MAP4K5: variants seen among roughly 807,000 people sequenced by gnomAD.
MAP4K5 encodes the protein mitogen-activated protein kinase kinase kinase kinase 5.
In MAP4K5, 82 loss-of-function variants were observed where a neutral mutation model predicts 135.6. The observed-to-expected ratio is 0.60, with a 90% CI of 0.51 to 0.73. MAP4K5 has a LOEUF of 0.73. Among genes scored for constraint, MAP4K5 ranks in the 30% least tolerant of loss-of-function variants. MAP4K5 has a pLI of 0.00. For missense variants in MAP4K5, 907 were observed against 1,010.9 expected, an observed-to-expected ratio of 0.90 and a Z score of 1.39; for synonymous variants, 347 against 335.0, an observed-to-expected ratio of 1.04 and a Z score of -0.39.
At position 50,445,098 on chromosome 14, in the gene MAP4K5, T is replaced by C; in HGVS notation, c.1282A>G (p.Ile428Val). ...CPDSESRAPQILRRQSSPSCG... is the reference protein window; with the variant it reads ...CPDSESRAPQVLRRQSSPSCG... ...CTTGGGCTACTCTGTCTTCTGAGAA[T>C]TTGGGGAGCTCTGCTTTCTGAATCA... The change falls in exon 18 of 33, where the codon ATT becomes GTT. Residue 428 changes from isoleucine to valine, a missense_variant. By Grantham distance (29) the Ile-to-Val change is conservative (BLOSUM62 3). This residue lies in a region of MAP4K5 where 690 missense variants were observed against 777.4 expected (regional missense o/e 0.89). Transcript: ENST00000682126. 1 of 1,613,694 alleles carries C rather than the reference T, an allele frequency of 6.2e-7. No individual in the cohort carries two copies. The highest frequency in any genetic ancestry group is 8.5e-7 in the Non-Finnish European group (1 of 1,179,710).
intron 17 of MAP4K5, 141 bp from the exon 18 acceptor site, chr14:50,445,335 C>T: frequency 1.7e-6 from 1 of 585,220 alleles, no homozygotes; most frequent in South Asian, 3.8e-5. Flanking sequence ...AGGTGAGTTA[C>T]TGCCCAACAC....
At chr14:50,532,380 G>A (rs1274213634) in intron 1 of MAP4K5, 68 bp downstream of exon 1, 1 of 273,186 alleles carries the variant, frequency 3.7e-6, no homozygotes. Context: ...GCCAGCCGGG[G>A]CCCAGGGCCG....
At chr14:50,454,142 A>G (rs1447883128) in intron 14 of MAP4K5, among the ~76,000 whole-genome samples, 1 of 152,208 alleles carries the variant, frequency 6.6e-6, no homozygotes, top group African/African-American at 2.4e-5. Context: ...CATAAAGTTG[A>G]GTAAAAGAAG....
At chr14:50,476,449 G>T in intron 6 of MAP4K5, 143 bp from the exon 7 acceptor site, 1 of 470,360 alleles carries the variant, frequency 2.1e-6, no homozygotes, top group South Asian at 4.6e-5. Context: ...GTAAATCAAT[G>T]TTTACTATAT....
At chr14:50,480,511 A>G (rs1238873120) in intron 6 of MAP4K5, among the ~76,000 whole-genome samples, 1 of 151,298 alleles carries the variant, frequency 6.6e-6, no homozygotes, top group African/African-American at 2.4e-5. Flanking sequence ...TCTGTGAGTT[A>G]ATTGTTTTGA....
At chr14:50,468,829 C>G (rs778332766) in intron 9 of MAP4K5, 47 bp from the exon 10 acceptor site, 23 of 1,541,756 alleles carry the variant, frequency 1.5e-5, no homozygotes, top group Admixed American at 1.9e-5. Flanking sequence ...AAATATTGAT[C>G]TGAATCTGTT....
intron 1 of MAP4K5, among the ~76,000 whole-genome samples, chr14:50,547,593 A>G (rs915923847): frequency 4.6e-5 from 7 of 152,228 alleles, no homozygotes; most frequent in Non-Finnish European, 1.0e-4. Context: ...CAGAAGTTAC[A>G]TAAGGTACAG....
At position 50,476,287 on chromosome 14, in the gene MAP4K5, G is replaced by T; in HGVS notation, c.398C>A (p.Thr133Asn). ...ETLQGLAYLH[T>N]KGKMHRDIKG... ...GATATCTCTATGCATTTTGCCTTTAGTATGCAAATAGGCAAGACCCTAAAA... is the reference window on the plus strand; with the variant it reads ...GATATCTCTATGCATTTTGCCTTTATTATGCAAATAGGCAAGACCCTAAAA... The change falls in exon 7 of 33, where the codon ACT (threonine) becomes AAT (asparagine). Residue 133 changes from threonine (T) to asparagine (N), a missense_variant. Thr to Asn is a moderately conservative substitution (Grantham distance 65, BLOSUM62 0). Transcript: ENST00000682126. 7 of 1,433,146 alleles carry T rather than the reference G, an allele frequency of 4.9e-6. No individual in the cohort carries two copies. The highest frequency in any genetic ancestry group is 2.7e-5 in the East Asian group (1 of 37,716). 88.8% of individuals were successfully genotyped at this position (1,433,146 alleles called of 1,614,324 possible).
intron 1 of MAP4K5, among the ~76,000 whole-genome samples, chr14:50,552,626 A>G (rs542920629): frequency 1.2e-4 from 18 of 152,364 alleles, no homozygotes; most frequent in Admixed American, 4.6e-4. Flanking sequence ...CTGTGAGGCT[A>G]TAGTTACCAA....
chr14:50,443,766 G>A lies in MAP4K5; in HGVS notation c.1442C>T (p.Pro481Leu). Reference sequence around the variant, plus strand: ...GGTGGGTGGAAGGCCATTGATGGCTGGTTTCTATGGGAAAAATAAAATTTA... The same window carrying A: ...GGTGGGTGGAAGGCCATTGATGGCTAGTTTCTATGGGAAAAATAAAATTTA... ...RKKDKRDFPK[P>L]AINGLPPTPK... The change falls in exon 20 of 33, where the codon CCA (proline) becomes CTA (leucine). Residue 481 changes from proline (P) to leucine (L), a missense_variant. Physicochemically the swap from Pro to Leu is moderately conservative, Grantham distance 98. Around this residue, in one of 3 missense-constraint regions of MAP4K5, gnomAD observed 690 missense variants for 777.4 expected, o/e 0.89. Transcript: ENST00000682126. 2 of 1,598,020 alleles carry A rather than the reference G, an allele frequency of 1.3e-6. No individual in the cohort carries two copies. Among genetic ancestry groups the A allele is most frequent in the Non-Finnish European group, 1.7e-6 (2 of 1,175,266 alleles).
chr14:50,554,066 CAA>C (rs1046348590), intron 1 of MAP4K5, among the ~76,000 whole-genome samples: 12 of 149,870 alleles, frequency 8.0e-5, no homozygotes, highest in African/African-American at 2.7e-4. Context: ...ATTAATGTAA[CAA>C]AAAAAATCTG....
At chr14:50,475,236 A>G in intron 8 of MAP4K5, 87 bp from the exon 9 acceptor site, 1 of 900,832 alleles carries the variant, frequency 1.1e-6, no homozygotes, top group Non-Finnish European at 1.8e-6. Flanking sequence ...GGCAGTATTA[A>G]TAATTCAAAT....
intron 5 of MAP4K5, 60 bp from the exon 6 acceptor site, chr14:50,482,476 CT>C: frequency 8.7e-7 from 1 of 1,148,054 alleles, no homozygotes; most frequent in Non-Finnish European, 1.1e-6. Context: ...AAACAGTCTA[CT>C]TAAAAAAAAT....
chr14:50,420,240 A>T, intron 32 of MAP4K5, 134 bp from the exon 33 acceptor site: 1 of 654,754 alleles, frequency 1.5e-6, no homozygotes, highest in South Asian at 1.8e-5. Flanking sequence ...CGCACAATCA[A>T]ATTCAGCTTT....
chr14:50,519,033 A>G (rs1470552556), intron 2 of MAP4K5, among the ~76,000 whole-genome samples: 2 of 152,204 alleles, frequency 1.3e-5, no homozygotes, highest in Non-Finnish European at 2.9e-5. Context: ...GTTCAAGGAT[A>G]CTGATCCCAG....
intron 2 of MAP4K5, among the ~76,000 whole-genome samples, chr14:50,518,894 A>G (rs1165944356): frequency 1.3e-5 from 2 of 152,194 alleles, no homozygotes; most frequent in Non-Finnish European, 2.9e-5. Flanking sequence ...ACTCTCAGTC[A>G]TTGTTGATGG....
chr14:50,500,448 A>T (rs1388588249), intron 3 of MAP4K5, among the ~76,000 whole-genome samples: 1 of 152,228 alleles, frequency 6.6e-6, no homozygotes, highest in African/African-American at 2.4e-5. Flanking sequence ...CTGTTTAAAT[A>T]AAAAGAAAAC....
At chr14:50,535,806 G>A (rs180984928), upstream of MAP4K5, among the ~76,000 whole-genome samples, 1 of 152,324 alleles carries the variant, frequency 6.6e-6, no homozygotes, top group Non-Finnish European at 1.5e-5. Flanking sequence ...TTACTGATAT[G>A]GTTTGTCTGT....
At chr14:50,486,331 G>C in intron 3 of MAP4K5, 137 bp from the exon 4 acceptor site, 1 of 478,062 alleles carries the variant, frequency 2.1e-6, no homozygotes, top group East Asian at 3.9e-5. Context: ...TAAACTGGTA[G>C]AATCTTTCTA....
Sources: gnomAD v4.1 joint callset for allele counts (sites outside exome capture counted in the v4.1 genomes callset) on GRCh38, gnomAD v4.1.1 for gene constraint, gnomAD v4.1.1 regional missense constraint, MANE v1.5 for transcripts, NCBI Gene and HGNC (gene_info 2026-07-23, HGNC 2026-07-21) for gene names.